EML1: variants seen among roughly 807,000 people sequenced by gnomAD.
The protein encoded by EML1 is echinoderm microtubule-associated protein-like 1.
In EML1, 27 loss-of-function variants were observed where a neutral mutation model predicts 110.4. The observed-to-expected ratio is 0.24, with a 90% CI of 0.18 to 0.34. EML1 has a LOEUF of 0.34. Ranked by LOEUF, EML1 falls within the 10% of genes least tolerant of loss-of-function variation. The pLI is 1.00. For synonymous variants in EML1, 344 were observed against 385.8 expected (o/e 0.89, Z 1.27); for missense variants, 741 against 1,030.9 (o/e 0.72, Z 3.85).
intron 16 of EML1, among the ~76,000 whole-genome samples, chr14:99,919,906 C>T (rs1351834700): frequency 2.6e-5 from 4 of 152,228 alleles, no homozygotes; most frequent in Admixed American, 6.5e-5. Context: ...GGGACACTCA[C>T]TCTGCGTCAG....
chr14:99,737,787 G>A, exon 1 of EML1: 1 of 1,288,978 alleles, frequency 7.8e-7, no homozygotes. Flanking sequence ...GAGGCTCTGA[G>A]TGACCCTGCA....
At chr14:99,931,793 G>A (rs1260458059) in intron 17 of EML1, among the ~76,000 whole-genome samples, 1 of 152,188 alleles carries the variant, frequency 6.6e-6, no homozygotes, top group African/African-American at 2.4e-5. Context: ...TATATTTATG[G>A]ATGAATGTAG....
At chr14:99,751,517 C>T (rs2057175218) in intron 1 of EML1, among the ~76,000 whole-genome samples, 1 of 152,020 alleles carries the variant, frequency 6.6e-6, no homozygotes, top group South Asian at 2.1e-4. Context: ...AGAAAACGGA[C>T]AAGATAAATA....
chr14:99,810,287 G>C (rs529193686), intron 1 of EML1, among the ~76,000 whole-genome samples: 52 of 152,318 alleles, frequency 3.4e-4, no homozygotes, highest in Admixed American at 1.7e-3. Context: ...AAATTCATGG[G>C]TTCCTTCCTT....
At chr14:99,759,237 G>A (rs1454627900) in intron 1 of EML1, among the ~76,000 whole-genome samples, 1 of 152,240 alleles carries the variant, frequency 6.6e-6, no homozygotes, top group Non-Finnish European at 1.5e-5. Flanking sequence ...GGTGAGCACA[G>A]CAGTCAGCCC....
chr14:99,821,722 C>T (rs1015592788), intron 1 of EML1, among the ~76,000 whole-genome samples: 4 of 152,166 alleles, frequency 2.6e-5, no homozygotes, highest in Non-Finnish European at 4.4e-5. Flanking sequence ...AAGGGGACAC[C>T]GGCCCTTTTG....
In EML1 at chr14:99,827,645, A is replaced by G. The variant is rs1476677724; in HGVS notation, c.68-23208A>G. 6.6e-6 allele frequency among the ~76,000 whole-genome samples: 1 copy of G among 150,736 alleles called. No homozygotes were observed. The highest frequency in any genetic ancestry group is 1.5e-5 in the Non-Finnish European group (1 of 67,630). On this transcript the variant is annotated intron_variant, in intron 1 of 21. Transcript: ENST00000262233. This position sits in a 1 kb window ranked among gnomAD's most constrained non-coding sequence, Gnocchi z 4.4. Reference sequence around the variant, plus strand: ...ACTGGTGTCCTTATAAGAAGAGGAGATAAGACTTAGACACATAGAGGGGGC... The same window carrying G: ...ACTGGTGTCCTTATAAGAAGAGGAGGTAAGACTTAGACACATAGAGGGGGC...
At chr14:99,813,986 G>A (rs1309725043) in intron 1 of EML1, among the ~76,000 whole-genome samples, 1 of 152,252 alleles carries the variant, frequency 6.6e-6, no homozygotes, top group East Asian at 1.9e-4. Context: ...AAGGCCAGCA[G>A]CATCAGAGCA....
At chr14:99,741,125 C>T (rs921006954) in intron 1 of EML1, among the ~76,000 whole-genome samples, 22 of 152,210 alleles carry the variant, frequency 1.4e-4, no homozygotes, top group Non-Finnish European at 2.8e-4. Flanking sequence ...TCTGTGGCCT[C>T]GGGTGAGTCA....
chr14:99,808,690 G>T (rs1330298853), intron 1 of EML1, among the ~76,000 whole-genome samples: 3 of 152,164 alleles, frequency 2.0e-5, no homozygotes, highest in South Asian at 4.1e-4. Context: ...GCTGAGAGAT[G>T]ATACAGTTTA....
rs567686516 is a variant in EML1 at position 99,762,640 on chromosome 14, A to T, written c.28+24780A>T. Among the ~76,000 whole-genome samples, 10 of 152,316 alleles carry T rather than the reference A, an allele frequency of 6.6e-5. No individual in the cohort carries two copies. In the South Asian group the frequency reaches 1.0e-3, roughly 16 times the overall value. ...TGATGAGACCCTTTCCGTACAAAAAATTTTTTAAAGTAGTCAGGTGTGGTG... is the reference window on the plus strand; with the variant it reads ...TGATGAGACCCTTTCCGTACAAAAATTTTTTTAAAGTAGTCAGGTGTGGTG... On this transcript the variant is annotated intron_variant, in intron 1 of 10. Transcript: ENST00000554479.
intron 17 of EML1, among the ~76,000 whole-genome samples, chr14:99,929,445 G>A (rs2060326664): frequency 6.6e-6 from 1 of 152,210 alleles, no homozygotes; most frequent in South Asian, 2.1e-4. Flanking sequence ...CAGACCCCTG[G>A]GGAGTGACCC....
chr14:99,780,788 C>T (rs899695067), intron 1 of EML1, among the ~76,000 whole-genome samples: 4 of 152,146 alleles, frequency 2.6e-5, no homozygotes, highest in Non-Finnish European at 4.4e-5. Context: ...ATATTCAGTA[C>T]AGTAGCCTGT....
intron 4 of EML1, among the ~76,000 whole-genome samples, chr14:99,889,982 A>G (rs897240014): frequency 6.6e-6 from 1 of 152,226 alleles, no homozygotes; most frequent in Non-Finnish European, 1.5e-5. Context: ...GCTGCAGGAA[A>G]TTATCTGGAA....
chr14:99,900,886 A>T, intron 8 of EML1, 43 bp from the exon 9 acceptor site: 1 of 1,533,772 alleles, frequency 6.5e-7, no homozygotes, highest in Non-Finnish European at 9.0e-7. Flanking sequence ...ACACATGTGT[A>T]TCACCATCAC....
At chr14:99,934,677 C>T (rs570585979) in intron 17 of EML1, among the ~76,000 whole-genome samples, 8 of 152,336 alleles carry the variant, frequency 5.3e-5, no homozygotes, top group African/African-American at 1.7e-4. Context: ...GCAGAGAGAC[C>T]CCTGCTACCC....
At chr14:99,886,105 A>G (rs2059469867) in intron 4 of EML1, 1 of 263,622 alleles carries the variant, frequency 3.8e-6, no homozygotes, top group African/African-American at 2.3e-5. Context: ...CTTAAGGACA[A>G]TTTTTGTAGA....
chr14:99,857,464 A>G (rs1595387781), intron 2 of EML1, among the ~76,000 whole-genome samples: 1 of 152,234 alleles, frequency 6.6e-6, no homozygotes, highest in East Asian at 1.9e-4. Context: ...TGACCCTTTT[A>G]AAATGTACGA....
rs1216620617 is a variant in EML1 at position 99,936,918 on chromosome 14, C to T, written c.2095+584C>T. Among the ~76,000 whole-genome samples the T allele has an allele frequency of 6.6e-6, 1 of 152,234 alleles. No homozygotes were observed. Among genetic ancestry groups the T allele is most frequent in the Non-Finnish European group, 1.5e-5 (1 of 68,028 alleles). On this transcript the variant is annotated intron_variant, in intron 19 of 21. Coordinates refer to ENST00000262233, the MANE Select transcript of EML1 (RefSeq NM_004434.3). This position sits in a 1 kb window ranked among gnomAD's most constrained non-coding sequence, Gnocchi z 5.5. ...CCCACCAGGCACCTGCCACGTGCCCCACTCTGGGCCACGCAGGGCGGCGCG... is the reference window on the plus strand; with the variant it reads ...CCCACCAGGCACCTGCCACGTGCCCTACTCTGGGCCACGCAGGGCGGCGCG...
Sources: allele counts gnomAD v4.1 joint callset (sites outside exome capture counted in the v4.1 genomes callset), GRCh38; gene constraint gnomAD v4.1.1; non-coding constraint Gnocchi (gnomAD v3.1); transcripts MANE v1.5; gene names NCBI Gene and HGNC (gene_info 2026-07-23, HGNC 2026-07-21).